The following NAV2 variants were observed in gnomAD, a reference collection of about 807,000 sequenced individuals.
NAV2 encodes the protein neuron navigator 2.
NAV2 carries 54 observed loss-of-function variants against 223.2 expected under a neutral mutation model. The observed-to-expected ratio is 0.24, with a 90% CI of 0.19 to 0.30. The LOEUF (loss-of-function observed/expected upper bound fraction) is 0.30. Among genes scored for constraint, NAV2 ranks in the 10% least tolerant of loss-of-function variants. The pLI, the probability that NAV2 is intolerant of heterozygous loss-of-function variation, is 1.00. For missense variants in NAV2, 2,806 were observed against 3,147.5 expected, an observed-to-expected ratio of 0.89 and a Z score of 2.60; for synonymous variants, 1,279 against 1,239.3, an observed-to-expected ratio of 1.03 and a Z score of -0.67.
intron 1 of NAV2, among the ~76,000 whole-genome samples, chr11:19,603,135 G>T (rs1230111250): frequency 6.6e-6 from 1 of 152,228 alleles, no homozygotes; most frequent in African/African-American, 2.4e-5. Context: ...TAGTAGCTTT[G>T]CCTTGTGGGC....
intron 1 of NAV2, among the ~76,000 whole-genome samples, chr11:19,759,531 C>CA (rs1187324192): frequency 6.6e-6 from 1 of 152,108 alleles, no homozygotes; most frequent in Admixed American, 6.5e-5. Context: ...CAAACAAATG[C>CA]ACTTTTCCTG....
chr11:19,634,666 G>A (rs1470797569), intron 1 of NAV2, among the ~76,000 whole-genome samples: 1 of 152,222 alleles, frequency 6.6e-6, no homozygotes, highest in Non-Finnish European at 1.5e-5. Flanking sequence ...AGCAAATACA[G>A]CCCCTGTCCA....
Sources: allele counts gnomAD v4.1 joint callset (sites outside exome capture counted in the v4.1 genomes callset), GRCh38; gene constraint gnomAD v4.1.1; transcripts MANE v1.5; gene names NCBI Gene and HGNC (gene_info 2026-07-23, HGNC 2026-07-21).